Variants in GNG7 observed in about 807,000 individuals in gnomAD.
GNG7 encodes the protein G protein subunit gamma 7.
Under a neutral mutation model 4.0 loss-of-function variants are expected in GNG7, and 1 was observed. The ratio of observed to expected loss-of-function variants is 0.25; its 90% CI spans 0.09 to 1.18. GNG7 has a LOEUF of 1.18. GNG7 is among the 50% of genes most tolerant of loss of function. The pLI, the probability that GNG7 is intolerant of heterozygous loss-of-function variation, is 0.50. For synonymous variants in GNG7, 34 were observed against 36.9 expected, an observed-to-expected ratio of 0.92 and a Z score of 0.29; for missense variants, 86 against 91.9, an observed-to-expected ratio of 0.94 and a Z score of 0.26.
intron 1 of GNG7, among the ~76,000 whole-genome samples, chr19:2,668,008 G>A (rs1336511496): frequency 1.3e-5 from 2 of 152,174 alleles, no homozygotes; most frequent in African/African-American, 4.8e-5. Flanking sequence ...CCTGGGGCAG[G>A]AGAGGACATT....
At chr19:2,616,748 C>A (rs2144828340) in intron 2 of GNG7, among the ~76,000 whole-genome samples, 1 of 152,056 alleles carries the variant, frequency 6.6e-6, no homozygotes, top group Non-Finnish European at 1.5e-5. Flanking sequence ...CCATCGCACT[C>A]CAGCCTGAGC....
intron 2 of GNG7, among the ~76,000 whole-genome samples, chr19:2,558,087 C>T (rs556910819): frequency 6.6e-6 from 1 of 152,006 alleles, no homozygotes; most frequent in Non-Finnish European, 1.5e-5. Flanking sequence ...GTGATCCGCC[C>T]ACCTCGGCCT....
At chr19:2,604,188 T>C (rs1981303355) in intron 2 of GNG7, among the ~76,000 whole-genome samples, 1 of 151,826 alleles carries the variant, frequency 6.6e-6, no homozygotes, top group African/African-American at 2.4e-5. Context: ...AAAGTGGTCT[T>C]AGCCAGGTGC....
intron 3 of GNG7, among the ~76,000 whole-genome samples, chr19:2,530,841 G>C (rs1056782265): frequency 6.6e-6 from 1 of 152,184 alleles, no homozygotes; most frequent in Non-Finnish European, 1.5e-5. Context: ...GCCTGGGTTT[G>C]GGGTCACTTT....
chr19:2,699,822 A>G (rs1158365174), intron 1 of GNG7, among the ~76,000 whole-genome samples: 1 of 152,182 alleles, frequency 6.6e-6, no homozygotes, highest in Non-Finnish European at 1.5e-5. Context: ...TGGGATAGAG[A>G]GACCCAGACG....
At chr19:2,697,168 A>ATTTAAAAGATGGAATTGCATC (rs1913286872) in intron 1 of GNG7, among the ~76,000 whole-genome samples, 1 of 152,236 alleles carries the variant, frequency 6.6e-6, no homozygotes, top group Non-Finnish European at 1.5e-5. Flanking sequence ...TGATAAACTT[A>ATTTAAAAGATGGAATTGCATC]TTTAAAAGAT....
intron 2 of GNG7, among the ~76,000 whole-genome samples, chr19:2,567,138 A>C (rs562310853): frequency 9.2e-5 from 13 of 141,516 alleles, no homozygotes; most frequent in East Asian, 5.8e-4. Context: ...AAAACAAAAA[A>C]AAAACAAAAA....
At chr19:2,568,304 C>CACATAT (rs1555694482) in intron 2 of GNG7, among the ~76,000 whole-genome samples, 1 of 150,560 alleles carries the variant, frequency 6.6e-6, no homozygotes, top group Admixed American at 6.6e-5. Flanking sequence ...CACACGCACA[C>CACATAT]ACATACACAC....
rs376483892 is a variant in GNG7 at position 2,569,299 on chromosome 19, A to G, written c.-77-14111T>C. ...TCTCTCTTTCTTTTTTTTGTGAGAC[A>G]GAGTCTCGCTCTGTCGCCCAGGCTG... On this transcript the variant is annotated intron_variant, in intron 2 of 4. Transcript: ENST00000382159. Among the ~76,000 whole-genome samples, 224 of 152,002 alleles carry G rather than the reference A, an allele frequency of 1.5e-3. 2 individuals carry two copies. In the East Asian group the frequency reaches 0.037, roughly 25 times the overall value.
At chr19:2,675,722 G>A (rs1983577548) in intron 1 of GNG7, among the ~76,000 whole-genome samples, 1 of 152,156 alleles carries the variant, frequency 6.6e-6, no homozygotes, top group African/African-American at 2.4e-5. Flanking sequence ...GACATCTGTG[G>A]TTTTCACGAT....
At chr19:2,532,551 A>G (rs1194051691) in intron 3 of GNG7, among the ~76,000 whole-genome samples, 1 of 152,222 alleles carries the variant, frequency 6.6e-6, no homozygotes, top group Admixed American at 6.5e-5. Flanking sequence ...ATGAAGCAGG[A>G]ACAATCTTTG....
rs1330763069 is a variant in GNG7, at chr19:2,609,454, G to A, written c.-78+36770C>T. ...GGTCCTGCCCTGGGATTTGGGAGCC[G>A]ACAGGTCCGGGTAACAACTGCAGTT... On this transcript the variant is annotated intron_variant, in intron 2 of 4. Transcript: ENST00000382159. The surrounding 1 kb of genome is among the most constrained non-coding windows in gnomAD (Gnocchi z 4.4). Among the ~76,000 whole-genome samples the A allele has an allele frequency of 1.3e-5, 2 of 152,124 alleles. No homozygotes were observed. Among genetic ancestry groups the A allele is most frequent in the Non-Finnish European group, 2.9e-5 (2 of 68,036 alleles).
At chr19:2,539,007 A>G (rs1405234533) in intron 3 of GNG7, among the ~76,000 whole-genome samples, 11 of 151,910 alleles carry the variant, frequency 7.2e-5, no homozygotes, top group South Asian at 2.1e-4. Context: ...TCCTGACCTC[A>G]TGATCTGCCC....
chr19:2,675,601 TG>T (rs1184934923), intron 1 of GNG7, among the ~76,000 whole-genome samples: 1 of 152,212 alleles, frequency 6.6e-6, no homozygotes, highest in Non-Finnish European at 1.5e-5. Flanking sequence ...TATGAGGGAC[TG>T]CTGGGGGAAA....
At chr19:2,612,352 G>A (rs1981594542) in intron 2 of GNG7, among the ~76,000 whole-genome samples, 1 of 152,044 alleles carries the variant, frequency 6.6e-6, no homozygotes, top group East Asian at 1.9e-4. Flanking sequence ...CCCAAACATC[G>A]CCCAGTGCCC....
At chr19:2,676,118 C>T (rs1215052472) in intron 1 of GNG7, among the ~76,000 whole-genome samples, 3 of 152,340 alleles carry the variant, frequency 2.0e-5, no homozygotes, top group Middle Eastern at 3.4e-3. Context: ...CAAGAACCGC[C>T]GGCCACTTGC....
intron 1 of GNG7, among the ~76,000 whole-genome samples, chr19:2,656,010 G>A (rs1276099026): frequency 1.4e-5 from 2 of 138,590 alleles, no homozygotes; most frequent in East Asian, 2.0e-4. Flanking sequence ...GGGTGACAGA[G>A]TGAGACTCCG....
intron 3 of GNG7, 34 bp downstream of exon 3, chr19:2,555,115 C>G (rs1447618200): frequency 6.6e-6 from 1 of 152,100 alleles, no homozygotes; most frequent in Non-Finnish European, 1.5e-5. Context: ...ACAAGAGATT[C>G]CAACCTCATG....
At chr19:2,701,127 C>T (rs1258744660) in intron 1 of GNG7, 1 of 152,120 alleles carries the variant, frequency 6.6e-6, no homozygotes, top group East Asian at 1.9e-4. Flanking sequence ...CACCCTATAT[C>T]CTAGAAATAA....
Sources: gnomAD v4.1 joint callset for allele counts (sites outside exome capture counted in the v4.1 genomes callset) on GRCh38, gnomAD v4.1.1 for gene constraint, Gnocchi (gnomAD v3.1) non-coding constraint, MANE v1.5 for transcripts, NCBI Gene and HGNC (gene_info 2026-07-23, HGNC 2026-07-21) for gene names.